PSMG2: variants seen among roughly 807,000 people sequenced by gnomAD.
The protein encoded by PSMG2 is proteasome assembly chaperone 2, also known as CD40 ligand-activated specific transcript 3.
In PSMG2, 21 loss-of-function variants were observed where a neutral mutation model predicts 31.5. The observed-to-expected ratio is 0.67, with a 90% CI of 0.47 to 0.96. The LOEUF is 0.96. Ranked by LOEUF, PSMG2 falls within the 40% of genes least tolerant of loss-of-function variation. PSMG2 has a pLI of 0.00. For synonymous variants in PSMG2, 120 were observed against 110.4 expected, an observed-to-expected ratio of 1.09 and a Z score of -0.54; for missense variants, 318 against 321.2, an observed-to-expected ratio of 0.99 and a Z score of 0.08.
intron 1 of PSMG2, chr18:12,678,332 C>T: frequency 6.2e-7 from 1 of 1,614,096 alleles, no homozygotes; most frequent in Non-Finnish European, 8.5e-7. Context: ...TTGACAATTT[C>T]CCAGGAACAT....
intron 1 of PSMG2, chr18:12,673,425 G>C: frequency 6.2e-7 from 1 of 1,605,292 alleles, no homozygotes; most frequent in Non-Finnish European, 8.5e-7. Context: ...CAGATTCAGG[G>C]TAAGTAAATA....
At chr18:12,719,594 G>T (rs571361892) in intron 4 of PSMG2, among the ~76,000 whole-genome samples, 2 of 151,422 alleles carry the variant, frequency 1.3e-5, no homozygotes, top group Non-Finnish European at 2.9e-5. Flanking sequence ...CACTGTGTTG[G>T]CCAGGCTGGT....
At position 12,716,948 on chromosome 18, in the gene PSMG2, C is replaced by CTTT. The variant is rs56726339; in HGVS notation, c.289-1549_289-1547dup. Among the ~76,000 whole-genome samples, 17 of 116,746 alleles carry CTTT rather than the reference C, an allele frequency of 1.5e-4. 1 individual carries two copies. The highest frequency in any genetic ancestry group is 5.0e-4 in the East Asian group (2 of 3,982). The allele number at this position is 116,746 out of a possible 152,430, so 76.6% of individuals were successfully genotyped here. On this transcript the variant is annotated intron_variant, in intron 3 of 6. Coordinates refer to ENST00000317615, the MANE Select transcript of PSMG2 (RefSeq NM_020232.5). ...TCCAGAGCTTGCCTTTTTTCTTTTA[C>CTTT]TTTTTTTTTTTTTTTTTTTTTTGAG... is the stretch of plus-strand genomic sequence containing the variant.
intron 6 of PSMG2, 31 bp downstream of exon 6, chr18:12,724,650 TTGTC>T: frequency 1.9e-6 from 3 of 1,551,840 alleles, no homozygotes; most frequent in Non-Finnish European, 2.6e-6. Flanking sequence ...AGCCTCTTCT[TTGTC>T]TGGTTGTATT....
At position 12,707,862 on chromosome 18, in the gene PSMG2, C is replaced by A. The variant is rs115066964; in HGVS notation, c.229+1141C>A. On this transcript the variant is annotated intron_variant, in intron 2 of 6. Coordinates refer to ENST00000317615, the MANE Select transcript of PSMG2 (RefSeq NM_020232.5). ...TAACCATATCATTGTTTTTAGCTTG[C>A]GATAGTGAAATGTACATTTGAGAAA... Among the ~76,000 whole-genome samples, 1,182 of 152,216 alleles carry A rather than the reference C, an allele frequency of 7.8e-3. 14 individuals carry two copies. The highest frequency in any genetic ancestry group is 0.027 in the African/African-American group (1,110 of 41,512).
chr18:12,707,997 C>G (rs1348810039), intron 2 of PSMG2, among the ~76,000 whole-genome samples: 3 of 152,120 alleles, frequency 2.0e-5, no homozygotes, highest in Non-Finnish European at 4.4e-5. Flanking sequence ...AACCAGAATT[C>G]ATGACCGGGT....
At chr18:12,667,452 C>T (rs1290129608) in intron 1 of PSMG2, among the ~76,000 whole-genome samples, 1 of 151,924 alleles carries the variant, frequency 6.6e-6, no homozygotes, top group Admixed American at 6.6e-5. Context: ...GTGAGACAGT[C>T]TCTTGAAATT....
chr18:12,671,638 C>CTTT (rs955356870), intron 1 of PSMG2, among the ~76,000 whole-genome samples: 4 of 82,926 alleles, frequency 4.8e-5, no homozygotes, highest in South Asian at 3.4e-4. Flanking sequence ...AGGTTTCACA[C>CTTT]TTTCTTTTTT....
At chr18:12,715,239 C>G (rs554164067) in intron 3 of PSMG2, among the ~76,000 whole-genome samples, 5 of 152,120 alleles carry the variant, frequency 3.3e-5, no homozygotes, top group African/African-American at 1.2e-4. Context: ...AAACTCTTGA[C>G]CTCAGGTGAT....
rs947165236 is a variant in PSMG2, at chr18:12,723,885, A to T, written c.582-614A>T. 2.0e-5 allele frequency among the ~76,000 whole-genome samples: 3 copies of T among 152,122 alleles called. No individual in the cohort carries two copies. The South Asian group carries it at 6.2e-4, about 32-fold the overall frequency. ...CCCCTGGTTAAGTAACTTGCCCAAC[A>T]TATCTGGTAAGTTGAAGAGCTAGAA... On this transcript the variant is annotated intron_variant, in intron 5 of 6. Transcript: ENST00000317615.
chr18:12,703,206 C>G, intron 1 of PSMG2, 42 bp downstream of exon 1: 3 of 1,570,754 alleles, frequency 1.9e-6, no homozygotes, highest in Non-Finnish European at 2.6e-6. Context: ...CTCCCGAGGC[C>G]CCTGCGGTGT....
intron 1 of PSMG2, chr18:12,678,301 G>C: frequency 6.2e-7 from 1 of 1,614,128 alleles, no homozygotes; most frequent in Non-Finnish European, 8.5e-7. Flanking sequence ...CAAATACACA[G>C]GTTTCTACTG....
At chr18:12,725,370 A>G in intron 6 of PSMG2, 69 bp from the exon 7 acceptor site, 1 of 1,260,764 alleles carries the variant, frequency 7.9e-7, no homozygotes, top group Non-Finnish European at 1.1e-6. Context: ...GGAGAGTTTT[A>G]TAATTCACTT....
At chr18:12,681,112 C>T (rs2039332060) in intron 1 of PSMG2, among the ~76,000 whole-genome samples, 1 of 151,050 alleles carries the variant, frequency 6.6e-6, no homozygotes, top group East Asian at 1.9e-4. Context: ...GCAAGAGAAT[C>T]ACGTGAACTT....
rs2040421543 is a variant in PSMG2, at chr18:12,720,565, AT to A, written c.464del (p.Ile155LysfsTer18). 6.2e-7 allele frequency: 1 copy of A among 1,613,132 alleles called. No individual in the cohort carries two copies. The highest frequency in any genetic ancestry group is 1.3e-5 in the African/African-American group (1 of 74,830). On this transcript the variant is annotated frameshift_variant, in exon 5 of 7. Coordinates refer to ENST00000317615, the MANE Select transcript of PSMG2 (RefSeq NM_020232.5). LOFTEE classifies it high-confidence loss of function. ...PSMQKSVQNK[I>X]KSLNWEEMEK... is the part of the protein sequence containing the mutation. The stretch of plus-strand genomic sequence containing the variant: ...CATGCAAAAAAGTGTTCAAAATAAA[AT>A]AAAGAGCCTTAACTGGGAAGAAATG...
chr18:12,708,884 G>A (rs1370814312), intron 2 of PSMG2, among the ~76,000 whole-genome samples: 1 of 148,670 alleles, frequency 6.7e-6, no homozygotes, highest in Non-Finnish European at 1.5e-5. Flanking sequence ...TTTTGTTTTT[G>A]TGTTTTTAGT....
intron 3 of PSMG2, among the ~76,000 whole-genome samples, chr18:12,716,796 C>G (rs1028589516): frequency 4.6e-5 from 7 of 151,944 alleles, no homozygotes; most frequent in African/African-American, 1.7e-4. Context: ...CATGACAAAC[C>G]TATAAGACAG....
chr18:12,696,524 A>AATC (rs1568031102), intron 1 of PSMG2, among the ~76,000 whole-genome samples: 1 of 150,774 alleles, frequency 6.6e-6, no homozygotes, highest in African/African-American at 2.4e-5. Flanking sequence ...TAATAATAAT[A>AATC]ATCTAAATTA....
chr18:12,714,758 T>G (rs2040362456), intron 3 of PSMG2, among the ~76,000 whole-genome samples: 1 of 152,038 alleles, frequency 6.6e-6, no homozygotes. Flanking sequence ...TTCCCCAAAG[T>G]GCAATGGCGT....
Sources: gnomAD v4.1 joint callset for allele counts (sites outside exome capture counted in the v4.1 genomes callset) on GRCh38, gnomAD v4.1.1 for gene constraint, MANE v1.5 for transcripts, NCBI Gene and HGNC (gene_info 2026-07-23, HGNC 2026-07-21) for gene names.